Variants in AFP observed in about 807,000 individuals in gnomAD.
AFP encodes alpha-fetoprotein.
AFP carries 64 observed loss-of-function variants against 78.9 expected under a neutral mutation model. That is an observed-to-expected ratio of 0.81 (90% CI 0.66 to 1.00). The LOEUF is 1.00. Among genes scored for constraint, AFP ranks in the 50% least tolerant of loss-of-function variants. The probability of loss-of-function intolerance (pLI) is 0.00; values close to 1 mark genes in which losing one functional copy is unlikely to be tolerated. For synonymous variants in AFP, 254 were observed against 243.8 expected (o/e 1.04, Z -0.39); for missense variants, 689 against 703.8 (o/e 0.98, Z 0.24).
At chr4:73,443,245 G>A in intron 5 of AFP, 102 bp from the exon 6 acceptor site, 1 of 851,402 alleles carries the variant, frequency 1.2e-6, no homozygotes, top group Non-Finnish European at 1.9e-6. Context: ...CATATTTTAT[G>A]GAATTTCATT....
chr4:73,445,173 T>A (rs1482831032), intron 7 of AFP, 51 bp downstream of exon 7: 1 of 1,605,788 alleles, frequency 6.2e-7, no homozygotes, highest in Non-Finnish European at 8.5e-7. Context: ...CTTTTCTTTC[T>A]TTTTGTCTCA....
intron 5 of AFP, among the ~76,000 whole-genome samples, chr4:73,443,122 A>C (rs1719718336): frequency 6.6e-6 from 1 of 152,192 alleles, no homozygotes; most frequent in Non-Finnish European, 1.5e-5. Context: ...TTTTGTTTCA[A>C]GGTACTTTGA....
chr4:73,437,043 T>C (rs1208144056), intron 1 of AFP, 117 bp from the exon 2 acceptor site: 39 of 797,612 alleles, frequency 4.9e-5, no homozygotes, highest in Non-Finnish European at 7.5e-5. Flanking sequence ...TCCCTAATGT[T>C]CTTTTAATTC....
rs768359189 is a variant in AFP, at chr4:73,447,655, A to C, written c.1037A>C (p.Glu346Ala). The C allele has an allele frequency of 6.2e-7, 1 of 1,608,408 alleles. No individual in the cohort carries two copies. Among genetic ancestry groups the C allele is most frequent in the Non-Finnish European group, 8.5e-7 (1 of 1,176,890 alleles). Residue 346 changes from glutamate to alanine, a missense_variant, in exon 8 of 15, where the codon GAA becomes GCA. By Grantham distance (107) the Glu-to-Ala change is moderately radical (BLOSUM62 -1). Transcript: ENST00000395792. ...GATTTTAACCAATTTTCTTCAGGGGAAAAAAATATCTTCTTGGCAAGGTAA... is the reference window on the plus strand; with the variant it reads ...GATTTTAACCAATTTTCTTCAGGGGCAAAAAATATCTTCTTGGCAAGGTAA... Reference protein sequence around the residue: ...DRDFNQFSSGEKNIFLASFVH... With the variant: ...DRDFNQFSSGAKNIFLASFVH...
In AFP at chr4:73,442,275, T is replaced by C. The variant is rs536014679; in HGVS notation, c.483-21T>C. 3 of 1,609,286 alleles carry C rather than the reference T, an allele frequency of 1.9e-6. No homozygotes were observed. In the African/African-American group the frequency reaches 4.0e-5, roughly 21 times the overall value. ...TATTTTTAGGTGTTTATAAATCTTC[T>C]AGCTCTATTTTATTTCACAGATTCA... On this transcript the variant is annotated intron_variant, in intron 4 of 14. Transcript: ENST00000395792.
intron 11 of AFP, 21 bp from the exon 12 acceptor site, chr4:73,452,380 T>C: frequency 6.2e-7 from 1 of 1,608,536 alleles, no homozygotes; most frequent in East Asian, 2.2e-5. Context: ...CCTTACTTTT[T>C]TTTCTCATTC....
chr4:73,445,711 C>T (rs186126797), intron 7 of AFP, among the ~76,000 whole-genome samples: 41 of 152,184 alleles, frequency 2.7e-4, no homozygotes, highest in Admixed American at 2.5e-3. Context: ...AAGTAACTGT[C>T]CTACCAGGTA....
chr4:73,436,299 C>T lies in AFP; in HGVS notation c.37C>T (p.Leu13=). The T allele has an allele frequency of 1.9e-6, 3 of 1,604,032 alleles. No individual in the cohort carries two copies. Among genetic ancestry groups the T allele is most frequent in the South Asian group, 2.2e-5 (2 of 90,394 alleles). ...GGAATCAATTTTTTTAATTTTCCTACTAAATTTTACTGAATCCAGAACACT... is the reference window on the plus strand; with the variant it reads ...GGAATCAATTTTTTTAATTTTCCTATTAAATTTTACTGAATCCAGAACACT... ...WVESIFLIFL[L]NFTESRTLHR... is the part of the protein sequence containing the mutation. Residue 13 remains leucine (L), a synonymous_variant, in exon 1 of 15, where the codon CTA becomes TTA. Transcript: ENST00000395792.
intron 7 of AFP, among the ~76,000 whole-genome samples, chr4:73,445,511 T>C (rs1719794878): frequency 6.6e-6 from 1 of 152,248 alleles, no homozygotes; most frequent in South Asian, 2.1e-4. Flanking sequence ...CTAGCCACTA[T>C]GACAGACACT....
intron 8 of AFP, among the ~76,000 whole-genome samples, chr4:73,448,158 T>C (rs955243323): frequency 2.0e-5 from 3 of 152,150 alleles, no homozygotes; most frequent in African/African-American, 4.8e-5. Context: ...ATTGGCTATG[T>C]ATTAAATACA....
intron 9 of AFP, 151 bp from the exon 10 acceptor site, chr4:73,449,885 T>C: frequency 1.6e-6 from 1 of 616,310 alleles, no homozygotes; most frequent in Non-Finnish European, 2.8e-6. Flanking sequence ...AAATCCATTT[T>C]CTGTAATTAT....
chr4:73,446,430 A>G (rs946958274), intron 7 of AFP, among the ~76,000 whole-genome samples: 1 of 152,206 alleles, frequency 6.6e-6, no homozygotes, highest in Non-Finnish European at 1.5e-5. Context: ...TAGCTGAATA[A>G]TGGGTTCTAA....
intron 3 of AFP, 43 bp from the exon 4 acceptor site, chr4:73,440,559 C>T: frequency 6.6e-7 from 1 of 1,506,006 alleles, no homozygotes; most frequent in Non-Finnish European, 9.2e-7. Flanking sequence ...ATTTTTAAAG[C>T]AAAGTTAGTT....
At chr4:73,442,756 GGA>G (rs925384402) in intron 5 of AFP, among the ~76,000 whole-genome samples, 33 of 128,978 alleles carry the variant, frequency 2.6e-4, no homozygotes, top group African/African-American at 9.0e-4. Flanking sequence ...GAGGAGCAGA[GGA>G]GAGAGAAAAA....
At chr4:73,442,834 T>G (rs1348149460) in intron 5 of AFP, among the ~76,000 whole-genome samples, 2 of 152,164 alleles carry the variant, frequency 1.3e-5, no homozygotes, top group Non-Finnish European at 1.5e-5. Flanking sequence ...ATTTGAGGTG[T>G]AAGTATTTTT....
Position 73,442,367 on chromosome 4 carries a change from A to C in AFP, c.554A>C (p.Tyr185Ser). Residue 185 changes from tyrosine (Y) to serine (S), a missense_variant, in exon 5 of 15, where the codon TAT becomes TCT. By Grantham distance (144) the Tyr-to-Ser change is moderately radical. Coordinates refer to ENST00000395792, the MANE Select transcript of AFP (RefSeq NM_001134.3). ...ACAATTCTTCTTTGGGCTGCTCGCT[A>C]TGACAAAATAATTCCATCTTGCTGC... Reference protein sequence around the residue: ...APTILLWAARYDKIIPSCCKA... With the variant: ...APTILLWAARSDKIIPSCCKA... 1 of 1,614,084 alleles carries C rather than the reference A, an allele frequency of 6.2e-7. No individual in the cohort carries two copies. The highest frequency in any genetic ancestry group is 8.5e-7 in the Non-Finnish European group (1 of 1,179,964).
At chr4:73,445,918 C>T (rs990193338) in intron 7 of AFP, among the ~76,000 whole-genome samples, 2 of 152,152 alleles carry the variant, frequency 1.3e-5, no homozygotes, top group Admixed American at 1.3e-4. Flanking sequence ...TCAGATTACT[C>T]TGTCTCTGTG....
Position 73,445,877 on chromosome 4 carries a change from C to T in AFP, c.843+755C>T, listed in dbSNP as rs116743168. 6.9e-3 allele frequency among the ~76,000 whole-genome samples: 1,057 copies of T among 152,122 alleles called. 7 individuals carry two copies. Among genetic ancestry groups the T allele is most frequent in the African/African-American group, 0.023 (953 of 41,488 alleles). The stretch of plus-strand genomic sequence containing the variant: ...GCTTATTTTGGCTAACCCTAGACTT[C>T]CTAGATTTTACAAGAGAGGACTGTT... On this transcript the variant is annotated intron_variant, in intron 7 of 14. Transcript: ENST00000395792.
In AFP at chr4:73,455,921, G is replaced by A; in HGVS notation, c.*301G>A. Reference sequence around the variant, plus strand: ...AAAGCTATCCAAGGATGGATTTACAGCACTAGATCACTTGGTGAACTGAAA... The same window carrying A: ...AAAGCTATCCAAGGATGGATTTACAACACTAGATCACTTGGTGAACTGAAA... On this transcript the variant is annotated 3_prime_UTR_variant, in exon 15 of 15. Transcript: ENST00000395792. The A allele has an allele frequency of 2.5e-6, 1 of 405,578 alleles. No individual in the cohort carries two copies. The highest frequency in any genetic ancestry group is 4.4e-6 in the Non-Finnish European group (1 of 229,462). The allele number at this position is 405,578 out of a possible 1,614,324, so 25.1% of individuals were successfully genotyped here. A position where few individuals can be genotyped will look rare whatever the true frequency, so the allele number is the denominator to read the frequency against.
Sources: allele counts gnomAD v4.1 joint callset (sites outside exome capture counted in the v4.1 genomes callset), GRCh38; gene constraint gnomAD v4.1.1; transcripts MANE v1.5; gene names NCBI Gene and HGNC (gene_info 2026-07-23, HGNC 2026-07-21).